ABCA8: variants seen among roughly 807,000 people sequenced by gnomAD.
ABCA8 encodes the protein ATP binding cassette subfamily A member 8.
Under a neutral mutation model 192.3 loss-of-function variants are expected in ABCA8, and 177 were observed. The observed-to-expected ratio is 0.92, with a 90% CI of 0.81 to 1.04. ABCA8 has a LOEUF of 1.04. Ranked by LOEUF, ABCA8 falls within the 50% of genes least tolerant of loss-of-function variation. The pLI, the probability that ABCA8 is intolerant of heterozygous loss-of-function variation, is 0.00. For missense variants in ABCA8, 1,915 were observed against 1,904.8 expected (o/e 1.01, Z -0.10); for synonymous variants, 642 against 690.2 (o/e 0.93, Z 1.09).
At chr17:68,919,149 T>C in intron 14 of ABCA8, 152 bp downstream of exon 14, 1 of 680,444 alleles carries the variant, frequency 1.5e-6, no homozygotes, top group Non-Finnish European at 2.4e-6. Flanking sequence ...CATTGTAAAT[T>C]ATATGCAATG....
rs770411367 is a variant in ABCA8 at position 68,881,826 on chromosome 17, G to C, written c.3946+37C>G. 3.4e-6 allele frequency: 5 copies of C among 1,486,756 alleles called. No homozygotes were observed. In the South Asian group the frequency reaches 5.7e-5, roughly 17 times the overall value. 92.1% of individuals were successfully genotyped at this position (1,486,756 alleles called of 1,614,324 possible). On this transcript the variant is annotated intron_variant, in intron 31 of 39. Transcript: ENST00000586539. The stretch of plus-strand genomic sequence containing the variant: ...TTAGGAACCAGGAACCTCTGAGGAG[G>C]GCTCTGAGCCAGAAGTGGAAGATCC...
At chr17:68,913,155 G>C (rs1343221318) in intron 17 of ABCA8, among the ~76,000 whole-genome samples, 1 of 152,030 alleles carries the variant, frequency 6.6e-6, no homozygotes, top group Non-Finnish European at 1.5e-5. Context: ...TGACCAGTGT[G>C]TCAAGGAAGA....
At chr17:68,927,129 A>T (rs1242923238) in intron 10 of ABCA8, among the ~76,000 whole-genome samples, 2 of 152,144 alleles carry the variant, frequency 1.3e-5, no homozygotes, top group African/African-American at 4.8e-5. Flanking sequence ...CGTGTGGCAC[A>T]CATCTGTAAT....
intron 21 of ABCA8, 96 bp from the exon 22 acceptor site, chr17:68,895,109 G>T: frequency 1.9e-6 from 2 of 1,027,342 alleles, no homozygotes; most frequent in Admixed American, 5.5e-5. Context: ...ATGTGAAGCA[G>T]TAATATGGAC....
intron 13 of ABCA8, among the ~76,000 whole-genome samples, chr17:68,920,717 T>C (rs573118516): frequency 8.5e-5 from 13 of 152,290 alleles, no homozygotes; most frequent in Middle Eastern, 3.4e-3. Context: ...CTGGAGAGGA[T>C]GTGGAGAAAT....
chr17:68,914,994 A>G (rs1960568), intron 17 of ABCA8, among the ~76,000 whole-genome samples: 9,557 of 152,232 alleles, frequency 0.063, 347 homozygotes, highest in South Asian at 0.15. Context: ...CCATACATCT[A>G]CAGTAAACTC....
At chr17:68,951,554 T>G (rs2068568930) in intron 1 of ABCA8, among the ~76,000 whole-genome samples, 1 of 152,222 alleles carries the variant, frequency 6.6e-6, no homozygotes, top group Admixed American at 6.5e-5. Context: ...CATTTCATAA[T>G]AGAGTTCAAT....
At position 68,932,531 on chromosome 17, in the gene ABCA8, A is replaced by G. The variant is rs1317912800; in HGVS notation, c.571-17T>C. The G allele has an allele frequency of 6.4e-7, 1 of 1,566,128 alleles. No individual in the cohort carries two copies. Among genetic ancestry groups the G allele is most frequent in the Non-Finnish European group, 8.8e-7 (1 of 1,138,520 alleles). ...TGTTGTGATCTGAAGAAAGGCATTA[A>G]TAAGCAAAATTTGTACGTTAATGAA... On this transcript the variant is annotated splice_polypyrimidine_tract_variant and intron_variant, in intron 6 of 39. Coordinates refer to ENST00000586539, the MANE Select transcript of ABCA8 (RefSeq NM_001288985.2).
intron 23 of ABCA8, among the ~76,000 whole-genome samples, chr17:68,892,295 C>T (rs2066638577): frequency 6.6e-6 from 1 of 152,162 alleles, no homozygotes; most frequent in South Asian, 2.1e-4. Context: ...AAGACACTTG[C>T]TAACCATAGA....
chr17:68,887,095 G>A lies in ABCA8; in HGVS notation c.3351C>T (p.Ile1117=). The change falls in exon 26 of 40, where the codon ATC becomes ATT. Residue 1117 remains isoleucine (I), a synonymous_variant. Coordinates refer to ENST00000586539, the MANE Select transcript of ABCA8 (RefSeq NM_001288985.2). Reference sequence around the variant, plus strand: ...TGAAGGAAATCACGTATGTCATGAAGATGAGGGAAAAGGAATAACCAACAG... The same window carrying A: ...TGAAGGAAATCACGTATGTCATGAAAATGAGGGAAAAGGAATAACCAACAG... The part of the protein sequence containing the change: ...PCAVGYSFSL[I]FMTYVISFIF... The A allele has an allele frequency of 2.5e-6, 4 of 1,612,138 alleles. No individual in the cohort carries two copies. Among genetic ancestry groups the A allele is most frequent in the Non-Finnish European group, 3.4e-6 (4 of 1,179,188 alleles).
chr17:68,890,250 T>G (rs957730456), intron 24 of ABCA8, among the ~76,000 whole-genome samples: 13 of 152,184 alleles, frequency 8.5e-5, no homozygotes, highest in African/African-American at 2.4e-4. Context: ...TTAGTTTTAT[T>G]GAGTGTGTAG....
intron 2 of ABCA8, among the ~76,000 whole-genome samples, chr17:68,943,768 G>T (rs1184640399): frequency 6.6e-6 from 1 of 151,984 alleles, no homozygotes; most frequent in Admixed American, 6.6e-5. Context: ...AATTTTTAAT[G>T]GCTGAGTGTG....
At chr17:68,942,161 CT>C in intron 2 of ABCA8, 122 bp from the exon 3 acceptor site, 1 of 678,988 alleles carries the variant, frequency 1.5e-6, no homozygotes, top group South Asian at 1.9e-5. Context: ...TGCAAAGAGT[CT>C]GAGTGTTCCC....
chr17:68,929,210 T>TGTTCAAGTTAATGA lies in ABCA8; in HGVS notation c.963_964insTCATTAACTTGAAC (p.Ile322SerfsTer4). ...GTGAGGAAAGATTTCTTTACCAAGA[T>TGTTCAAGTTAATGA]GCTCATTAAGAAAGCCAAAGCTACC... On this transcript the variant is annotated stop_gained and frameshift_variant, in exon 9 of 40. Transcript: ENST00000586539. LOFTEE classifies it high-confidence loss of function. The TGTTCAAGTTAATGA allele has an allele frequency of 6.2e-7, 1 of 1,601,922 alleles. No individual in the cohort carries two copies. Among genetic ancestry groups the TGTTCAAGTTAATGA allele is most frequent in the South Asian group, 1.1e-5 (1 of 87,654 alleles).
At chr17:68,892,610 C>A (rs538113616) in intron 23 of ABCA8, among the ~76,000 whole-genome samples, 81 of 152,046 alleles carry the variant, frequency 5.3e-4, no homozygotes, top group Non-Finnish European at 9.7e-4. Flanking sequence ...AGGCAATTTG[C>A]CCAATTATTG....
chr17:68,912,190 T>C (rs1454176371), intron 17 of ABCA8, among the ~76,000 whole-genome samples: 2 of 152,174 alleles, frequency 1.3e-5, no homozygotes, highest in Non-Finnish European at 2.9e-5. Flanking sequence ...ATAGTTGTTT[T>C]GAGGAAGTTC....
chr17:68,918,248 C>A, intron 15 of ABCA8, 63 bp from the exon 16 acceptor site: 2 of 1,591,684 alleles, frequency 1.3e-6, no homozygotes, highest in Admixed American at 3.5e-5. Context: ...CAGAAAACAA[C>A]GCAAAAACCA....
In ABCA8 at chr17:68,903,004, C is replaced by A. The variant is rs998196429; in HGVS notation, c.2598-125G>T. The A allele has an allele frequency of 2.0e-4, 182 of 898,446 alleles. No homozygotes were observed. The African/African-American group carries it at 2.7e-3, about 13-fold the overall frequency. 55.7% of individuals were successfully genotyped at this position (898,446 alleles called of 1,614,324 possible). A position where few individuals can be genotyped will look rare whatever the true frequency, so the allele number is the denominator to read the frequency against. ...TTAAACACAATTAACTGTCACATTT[C>A]TTGAGTATTTTGTCCTTTTACTAAC... On this transcript the variant is annotated intron_variant, in intron 20 of 39. Coordinates refer to ENST00000586539, the MANE Select transcript of ABCA8 (RefSeq NM_001288985.2).
chr17:68,875,984 G>A (rs1397419984), intron 35 of ABCA8, among the ~76,000 whole-genome samples: 1 of 152,194 alleles, frequency 6.6e-6, no homozygotes, highest in Non-Finnish European at 1.5e-5. Flanking sequence ...TCAAAGAGAA[G>A]TGCTAAGCAA....
Sources: gnomAD v4.1 joint callset for allele counts (sites outside exome capture counted in the v4.1 genomes callset) on GRCh38, gnomAD v4.1.1 for gene constraint, MANE v1.5 for transcripts, NCBI Gene and HGNC (gene_info 2026-07-23, HGNC 2026-07-21) for gene names.